MED27: variants seen among roughly 807,000 people sequenced by gnomAD.
MED27 encodes the protein mediator of RNA polymerase II transcription subunit 27.
MED27 carries 30 observed loss-of-function variants against 38.2 expected under a neutral mutation model. The ratio of observed to expected loss-of-function variants is 0.79; its 90% CI spans 0.59 to 1.07. The LOEUF is 1.07. Ranked by LOEUF, MED27 falls within the 50% of genes least tolerant of loss-of-function variation. The probability of loss-of-function intolerance (pLI) is 0.00; values close to 1 mark genes in which losing one functional copy is unlikely to be tolerated. For synonymous variants in MED27, 122 were observed against 153.5 expected (o/e 0.79, Z 1.52); for missense variants, 289 against 397.5 (o/e 0.73, Z 2.32).
chr9:132,023,348 A>G (rs1404976730), intron 2 of MED27, among the ~76,000 whole-genome samples: 1 of 152,174 alleles, frequency 6.6e-6, no homozygotes, highest in Non-Finnish European at 1.5e-5. Context: ...TAAACTAATA[A>G]ACATGATTTT....
rs146595658 is a variant in MED27 at position 131,921,278 on chromosome 9, C to T, written c.573+18103G>A. Among the ~76,000 whole-genome samples, 453 of 152,260 alleles carry T rather than the reference C, an allele frequency of 3.0e-3. 4 individuals carry two copies. The highest frequency in any genetic ancestry group is 9.8e-3 in the African/African-American group (406 of 41,542). On this transcript the variant is annotated intron_variant, in intron 4 of 7. Transcript: ENST00000292035. ...ATCTGCACTCTCTCTGCACACACAC[C>T]CAGTCCGTCGTCAAACTGTCACCCA...
intron 2 of MED27, among the ~76,000 whole-genome samples, chr9:132,044,768 AT>A (rs1332786244): frequency 1.3e-5 from 2 of 152,054 alleles, no homozygotes; most frequent in Non-Finnish European, 2.9e-5. Flanking sequence ...AGACACTCTA[AT>A]TTTTTTTCCC....
intron 2 of MED27, among the ~76,000 whole-genome samples, chr9:132,052,630 T>C (rs1356629484): frequency 6.6e-6 from 1 of 152,126 alleles, no homozygotes; most frequent in East Asian, 1.9e-4. Context: ...GTATACATCG[T>C]CGCTGTTAGG....
Position 131,883,501 on chromosome 9 carries a change from T to C in MED27, c.723+557A>G, listed in dbSNP as rs550415697. Among the ~76,000 whole-genome samples the C allele has an allele frequency of 5.3e-5, 8 of 152,116 alleles. No homozygotes were observed. In the East Asian group the frequency reaches 1.4e-3, roughly 26 times the overall value. On this transcript the variant is annotated intron_variant, in intron 6 of 7. Transcript: ENST00000292035. This position sits in a 1 kb window ranked among gnomAD's most constrained non-coding sequence, Gnocchi z 4.2. ...CAGTTTTTCATAAGGAAGCCCAATATCTGAAAAAGATACAGTGTCCCCAGA... is the reference window on the plus strand; with the variant it reads ...CAGTTTTTCATAAGGAAGCCCAATACCTGAAAAAGATACAGTGTCCCCAGA...
chr9:131,892,111 T>C (rs1047262584), intron 5 of MED27, among the ~76,000 whole-genome samples: 1 of 151,582 alleles, frequency 6.6e-6, no homozygotes, highest in African/African-American at 2.4e-5. Flanking sequence ...CTTGTGTGGG[T>C]GACATGGATG....
chr9:132,079,492 G>C (rs548318462), intron 1 of MED27, 150 bp downstream of exon 1: 7 of 712,388 alleles, frequency 9.8e-6, no homozygotes, highest in Non-Finnish European at 1.7e-5. Context: ...ATGTCCCTGA[G>C]GGACAGGCAG....
At chr9:132,072,765 G>A (rs552321412) in intron 2 of MED27, among the ~76,000 whole-genome samples, 2 of 152,166 alleles carry the variant, frequency 1.3e-5, no homozygotes, top group African/African-American at 4.8e-5. Context: ...TAAATTGTGA[G>A]GGGCATTTAA....
chr9:131,889,686 G>C lies in MED27; in HGVS notation c.681+4199C>G, dbSNP rs1304593119. Among the ~76,000 whole-genome samples, 1 of 152,184 alleles carries C rather than the reference G, an allele frequency of 6.6e-6. No individual in the cohort carries two copies. The highest frequency in any genetic ancestry group is 2.4e-5 in the African/African-American group (1 of 41,438). On this transcript the variant is annotated intron_variant, in intron 5 of 7. Transcript: ENST00000292035. This position sits in a 1 kb window ranked among gnomAD's most constrained non-coding sequence, Gnocchi z 4.2. ...AGCCTTGCTGGGCTGGATTCTGATG[G>C]GGAAAAAACCTGCAAGGTCTGGAAA...
chr9:131,890,216 A>G (rs914969862), intron 5 of MED27, among the ~76,000 whole-genome samples: 2 of 152,252 alleles, frequency 1.3e-5, no homozygotes, highest in Admixed American at 6.5e-5. Context: ...TGAGTGGAAC[A>G]GTCATTTGAG....
intron 4 of MED27, among the ~76,000 whole-genome samples, chr9:131,926,031 T>G (rs1830477069): frequency 6.6e-6 from 1 of 152,252 alleles, no homozygotes; most frequent in Non-Finnish European, 1.5e-5. Context: ...CCCAGACTGG[T>G]GTCTCCTGCT....
rs59013199 is a variant in MED27, at chr9:131,955,682, A to G, written c.480-16208T>C. On this transcript the variant is annotated intron_variant, in intron 3 of 7. Coordinates refer to ENST00000292035, the MANE Select transcript of MED27 (RefSeq NM_004269.4). ...AGATGTAAGTTATATAACTGACATG[A>G]GAAGAAATAAACATCTAAAAAGCTT... Among the ~76,000 whole-genome samples, 357 of 152,350 alleles carry G rather than the reference A, an allele frequency of 2.3e-3. 2 individuals are homozygous for G. Among genetic ancestry groups the G allele is most frequent in the African/African-American group, 8.3e-3 (345 of 41,592 alleles).
At chr9:131,901,648 A>G (rs190213213) in intron 4 of MED27, among the ~76,000 whole-genome samples, 30 of 152,346 alleles carry the variant, frequency 2.0e-4, no homozygotes, top group African/African-American at 5.3e-4. Flanking sequence ...GGCTATGTAG[A>G]TGAGCAGTTC....
intron 7 of MED27, 54 bp downstream of exon 7, chr9:131,863,009 C>T (rs1838676933): frequency 1.3e-6 from 2 of 1,502,884 alleles, no homozygotes; most frequent in Admixed American, 1.7e-5. Context: ...TCCCTGTTCT[C>T]ACTTGAAGGG....
At chr9:132,026,039 G>A (rs1832810481) in intron 2 of MED27, among the ~76,000 whole-genome samples, 1 of 152,182 alleles carries the variant, frequency 6.6e-6, no homozygotes, top group Non-Finnish European at 1.5e-5. Context: ...CCTAATACGA[G>A]AAGGGCTACT....
intron 4 of MED27, among the ~76,000 whole-genome samples, chr9:131,925,691 T>A (rs905171081): frequency 6.6e-6 from 1 of 152,048 alleles, no homozygotes; most frequent in South Asian, 2.1e-4. Flanking sequence ...AAGAATAAAT[T>A]TAGGAATATG....
intron 3 of MED27, among the ~76,000 whole-genome samples, chr9:131,959,646 A>C (rs550937218): frequency 8.5e-5 from 13 of 152,348 alleles, no homozygotes; most frequent in African/African-American, 2.9e-4. Flanking sequence ...AGCTTACTAC[A>C]TGCACAAAGA....
chr9:131,910,482 C>T (rs1830167763), intron 4 of MED27, among the ~76,000 whole-genome samples: 1 of 152,072 alleles, frequency 6.6e-6, no homozygotes, highest in African/African-American at 2.4e-5. Flanking sequence ...ATTAGGGGTG[C>T]CAGTGAAATA....
intron 3 of MED27, among the ~76,000 whole-genome samples, chr9:131,970,956 T>C (rs1240468872): frequency 2.6e-5 from 4 of 152,230 alleles, no homozygotes; most frequent in Admixed American, 6.5e-5. Flanking sequence ...TCACTAATTA[T>C]GTTACATGTG....
intron 3 of MED27, among the ~76,000 whole-genome samples, chr9:131,994,402 C>T (rs1832046767): frequency 6.6e-6 from 1 of 152,182 alleles, no homozygotes; most frequent in African/African-American, 2.4e-5. Flanking sequence ...GCATTAAAAA[C>T]CAATATTGCA....
Sources: gnomAD v4.1 joint callset for allele counts (sites outside exome capture counted in the v4.1 genomes callset) on GRCh38, gnomAD v4.1.1 for gene constraint, Gnocchi (gnomAD v3.1) non-coding constraint, MANE v1.5 for transcripts, NCBI Gene and HGNC (gene_info 2026-07-23, HGNC 2026-07-21) for gene names.